The following EVPL variants were observed in gnomAD, a reference collection of about 807,000 sequenced individuals.
EVPL encodes the protein 210 kDa cornified envelope precursor protein.
Under a neutral mutation model 129.7 loss-of-function variants are expected in EVPL, and 94 were observed. The observed-to-expected ratio is 0.72, with a 90% confidence interval of 0.61 to 0.86. The LOEUF is 0.86. Ranked by LOEUF, EVPL falls within the 40% of genes least tolerant of loss-of-function variation. The pLI, the probability that EVPL is intolerant of heterozygous loss-of-function variation, is 0.00. For missense variants in EVPL, 2,625 were observed against 2,721.1 expected (o/e 0.96, Z 0.79); for synonymous variants, 1,172 against 1,191.1 (o/e 0.98, Z 0.33).
intron 1 of EVPL, among the ~76,000 whole-genome samples, chr17:76,025,223 A>G (rs2665964): frequency 0.78 from 118,822 of 152,198 alleles, 46,995 homozygotes; most frequent in East Asian, 0.97. Context: ...GAATTTATCC[A>G]TCTGAAACGT....
Position 76,018,488 on chromosome 17 carries a change from C to T in EVPL, c.1397G>A (p.Cys466Tyr). The T allele has an allele frequency of 6.2e-7, 1 of 1,612,514 alleles. No individual in the cohort carries two copies. Residue 466 changes from cysteine to tyrosine, a missense_variant, in exon 12 of 22, where the codon TGC becomes TAC. Cys to Tyr is a radical substitution (Grantham distance 194). Around this residue, in one of 4 missense-constraint regions of EVPL, gnomAD observed 1,024 missense variants for 997.5 expected, o/e 1.03. Coordinates refer to ENST00000301607, the MANE Select transcript of EVPL (RefSeq NM_001988.4). ...ETKRAPAACF[C>Y]IPAPDPDAVA... is the part of the protein sequence containing the mutation. ...AGCATCAGGGTCTGGTGCTGGGATG[C>T]AGAAGCAGGCGGCGGGAGCACGCTT... is the stretch of plus-strand genomic sequence containing the variant.
rs777889344 is a variant in EVPL, at chr17:76,008,462, C to A, written c.4743G>T (p.Leu1581=). 4 of 1,595,394 alleles carry A rather than the reference C, an allele frequency of 2.5e-6. No homozygotes were observed. Among genetic ancestry groups the A allele is most frequent in the Non-Finnish European group, 3.4e-6 (4 of 1,176,164 alleles). Residue 1581 remains leucine, a synonymous_variant, in exon 22 of 22, where the codon CTG becomes CTT. Transcript: ENST00000301607. This position sits in a 1 kb window ranked among gnomAD's most constrained non-coding sequence, Gnocchi z 7.4. The stretch of plus-strand genomic sequence containing the variant: ...GGTCGGCCTGGTCCCGGGCCCTCTG[C>A]AGCTCGGACTCCTCCCGGGACCAGG... ...GRTWSREESE[L]QRARDQADQE...
At position 76,015,370 on chromosome 17, in the gene EVPL, C is replaced by T; in HGVS notation, c.1890-5G>A. The stretch of plus-strand genomic sequence containing the variant: ...AGATCCAGGGCAGCCTTGGCTCTGC[C>T]GCAGAGGAGGCAAGGCTCAGACACT... On this transcript the variant is annotated splice_polypyrimidine_tract_variant and splice_region_variant and intron_variant, in intron 15 of 21. Transcript: ENST00000301607. 4 of 1,603,692 alleles carry T rather than the reference C, an allele frequency of 2.5e-6. No individual in the cohort carries two copies. Among genetic ancestry groups the T allele is most frequent in the Non-Finnish European group, 3.4e-6 (4 of 1,177,286 alleles).
Position 76,009,686 on chromosome 17 carries a change from C to G in EVPL, c.3519G>C (p.Leu1173=). 6.2e-7 allele frequency: 1 copy of G among 1,613,550 alleles called. No homozygotes were observed. The highest frequency in any genetic ancestry group is 2.2e-5 in the East Asian group (1 of 44,870). ...RTKNATLARE[L]SDLHSKYSVV... ...CGCTGTACTTGCTGTGCAGGTCGCT[C>G]AGCTCCCTGGCCAGCGTCGCGTTCT... The change falls in exon 22 of 22, where the codon CTG becomes CTC. Residue 1173 remains leucine, a synonymous_variant. Coordinates refer to ENST00000301607, the MANE Select transcript of EVPL (RefSeq NM_001988.4). The surrounding 1 kb of genome is among the most constrained non-coding windows in gnomAD (Gnocchi z 5.9).
At position 76,007,320 on chromosome 17, in the gene EVPL, C is replaced by A; in HGVS notation, c.5885G>T (p.Gly1962Val). ...CTGGGCCAGCTCTTCACTGATCATC[C>A]CGGAGAGGAGGGCCTGCTGGATGGG... is the stretch of plus-strand genomic sequence containing the variant. ...RIPIQQALLSGMISEELAQLL... is the reference protein window; with the variant it reads ...RIPIQQALLSVMISEELAQLL... Residue 1962 changes from glycine (G) to valine (V), a missense_variant, in exon 22 of 22, where the codon GGG (glycine) becomes GTG (valine). Gly to Val is a moderately radical substitution (Grantham distance 109). Around this residue, in one of 4 missense-constraint regions of EVPL, gnomAD observed 1,453 missense variants for 1,511.8 expected, o/e 0.96. Coordinates refer to ENST00000301607, the MANE Select transcript of EVPL (RefSeq NM_001988.4). This position sits in a 1 kb window ranked among gnomAD's most constrained non-coding sequence, Gnocchi z 8.8. The A allele has an allele frequency of 6.4e-7, 1 of 1,561,368 alleles. No homozygotes were observed. The highest frequency in any genetic ancestry group is 2.3e-5 in the East Asian group (1 of 44,234).
intron 9 of EVPL, among the ~76,000 whole-genome samples, chr17:76,021,031 G>A (rs1444050073): frequency 1.3e-5 from 2 of 152,122 alleles, no homozygotes; most frequent in African/African-American, 4.8e-5. Context: ...CTTTCCCTCT[G>A]GGACCGAGTG....
Position 76,012,043 on chromosome 17 carries a change from G to T in EVPL, c.2420C>A (p.Ala807Glu), listed in dbSNP as rs753313503. 1 of 1,612,764 alleles carries T rather than the reference G, an allele frequency of 6.2e-7. No individual in the cohort carries two copies. The highest frequency in any genetic ancestry group is 8.5e-7 in the Non-Finnish European group (1 of 1,179,740). ...CTGCAGGGCCTGGGAGAGGTGGGAT[G>T]CTGTGGCCCTGTCCCGCTCTCGGCT... Reference protein sequence around the residue: ...IQSRERDRATASHLSQALQAA... With the variant: ...IQSRERDRATESHLSQALQAA... Residue 807 changes from alanine to glutamate, a missense_variant, in exon 19 of 22, where the codon GCA (alanine) becomes GAA (glutamate). Transcript: ENST00000301607.
In EVPL at chr17:76,015,565, C is replaced by A. The variant is rs767490272; in HGVS notation, c.1774G>T (p.Ala592Ser). 6.2e-7 allele frequency: 1 copy of A among 1,613,422 alleles called. No homozygotes were observed. Residue 592 changes from alanine (A) to serine (S), a missense_variant, in exon 15 of 22, where the codon GCG becomes TCG. Around this residue, in one of 4 missense-constraint regions of EVPL, gnomAD observed 1,024 missense variants for 997.5 expected, o/e 1.03. Coordinates refer to ENST00000301607, the MANE Select transcript of EVPL (RefSeq NM_001988.4). ...EKETAQKECE[A>S]FLSTRPVGPA... is the part of the protein sequence containing the mutation. ...CCCACGGGCCGCGTGGACAGAAACG[C>A]CTCGCACTCCTTCTGGGCTGTCTCC...
chr17:76,021,606 C>CCCCGGGGGG, intron 8 of EVPL, 43 bp from the exon 9 acceptor site: 1 of 1,336,584 alleles, frequency 7.5e-7, no homozygotes, highest in Non-Finnish European at 9.9e-7. Context: ...GCCCCCCCCA[C>CCCCGGGGGG]GTCCGCCCCA....
chr17:76,022,612 C>T lies in EVPL; in HGVS notation c.481-74G>A, dbSNP rs1255580412. ...CAGAGAACCCCACACGCCTCCCACC[C>T]GGAGAAGTGGACTTGGTCATTTGGG... On this transcript the variant is annotated intron_variant, in intron 4 of 21. Transcript: ENST00000301607. The surrounding 1 kb of genome is among the most constrained non-coding windows in gnomAD (Gnocchi z 5.6). 3 of 1,512,566 alleles carry T rather than the reference C, an allele frequency of 2.0e-6. No homozygotes were observed. The highest frequency in any genetic ancestry group is 1.8e-6 in the Non-Finnish European group (2 of 1,129,518). 93.7% of individuals were successfully genotyped at this position (1,512,566 alleles called of 1,614,324 possible).
At position 76,013,711 on chromosome 17, in the gene EVPL, T is replaced by C. The variant is rs911447580; in HGVS notation, c.2373+715A>G. Among the ~76,000 whole-genome samples the C allele has an allele frequency of 6.6e-6, 1 of 152,098 alleles. No individual in the cohort carries two copies. Among genetic ancestry groups the C allele is most frequent in the Admixed American group, 6.5e-5 (1 of 15,276 alleles). On this transcript the variant is annotated intron_variant, in intron 18 of 21. Transcript: ENST00000301607. The surrounding 1 kb of genome is among the most constrained non-coding windows in gnomAD (Gnocchi z 4.3). The stretch of plus-strand genomic sequence containing the variant: ...TCCCCGGCCAGGCCACCACTCTCTC[T>C]CCGCTGGATTTCCACCCTGGCTCCT...
intron 11 of EVPL, 98 bp from the exon 12 acceptor site, chr17:76,018,698 C>G (rs772397746): frequency 7.4e-7 from 1 of 1,355,626 alleles, no homozygotes; most frequent in Non-Finnish European, 1.0e-6. Flanking sequence ...ATGGGGACAG[C>G]AGCTGGAACA....
Position 76,014,478 on chromosome 17 carries a change from A to T in EVPL, c.2321T>A (p.Val774Glu), listed in dbSNP as rs199895131. The T allele has an allele frequency of 6.2e-7, 1 of 1,611,944 alleles. No homozygotes were observed. Among genetic ancestry groups the T allele is most frequent in the South Asian group, 1.1e-5 (1 of 91,040 alleles). ...SWLEHLPRSQ[V>E]RPSDGPSQIA... ...CTGGCTGGGGCCGTCGCTGGGCCGC[A>T]CCTGGCTGCGGGGCAGGTGCTCCAG... is the stretch of plus-strand genomic sequence containing the variant. The change falls in exon 18 of 22, where the codon GTG becomes GAG. Residue 774 changes from valine (V) to glutamate (E), a missense_variant. Val to Glu is a moderately radical substitution (Grantham distance 121, BLOSUM62 -2). This residue lies in a region of EVPL where 1,024 missense variants were observed against 997.5 expected (regional missense o/e 1.03). Transcript: ENST00000301607.
chr17:76,024,447 C>G lies in EVPL; in HGVS notation c.99-327G>C, dbSNP rs1598246673. 6.6e-6 allele frequency among the ~76,000 whole-genome samples: 1 copy of G among 152,236 alleles called. No individual in the cohort carries two copies. The highest frequency in any genetic ancestry group is 1.9e-4 in the East Asian group (1 of 5,174). On this transcript the variant is annotated intron_variant, in intron 1 of 21. Coordinates refer to ENST00000301607, the MANE Select transcript of EVPL (RefSeq NM_001988.4). This position sits in a 1 kb window ranked among gnomAD's most constrained non-coding sequence, Gnocchi z 4.5. Reference sequence around the variant, plus strand: ...CCACCTAGCTACCTGCCACTTCCCTCCCCGAGCCAGTGAATCACCGGCTCA... The same window carrying G: ...CCACCTAGCTACCTGCCACTTCCCTGCCCGAGCCAGTGAATCACCGGCTCA...
At chr17:76,018,286 A>AGGTCCCCACTCG in intron 12 of EVPL, 28 bp from the exon 13 acceptor site, 1 of 1,524,272 alleles carries the variant, frequency 6.6e-7, no homozygotes, top group Non-Finnish European at 8.8e-7. Context: ...TTGAAGAAAG[A>AGGTCCCCACTCG]GGTCCCCACT....
In EVPL at chr17:76,024,060, C is replaced by T. The variant is rs1173649812; in HGVS notation, c.159G>A (p.Val53=). 1.9e-6 allele frequency: 3 copies of T among 1,613,834 alleles called. No homozygotes were observed. In the East Asian group the frequency reaches 6.7e-5, roughly 36 times the overall value. ...ISRMQANADQ[V]ERDILETQKR... is the part of the protein sequence containing the mutation. The stretch of plus-strand genomic sequence containing the variant: ...TCTGCGTCTCCAGGATGTCCCGCTC[C>T]ACCTGGTCGGCGTTGGCTTGCATGC... The change falls in exon 2 of 22, where the codon GTG becomes GTA. Residue 53 remains valine (V), a synonymous_variant. Coordinates refer to ENST00000301607, the MANE Select transcript of EVPL (RefSeq NM_001988.4). This position sits in a 1 kb window ranked among gnomAD's most constrained non-coding sequence, Gnocchi z 4.5.
In EVPL at chr17:76,007,523, C is replaced by T. The variant is rs751841109; in HGVS notation, c.5682G>A (p.Gln1894=). The change falls in exon 22 of 22, where the codon CAG becomes CAA. Residue 1894 remains glutamine (Q), a synonymous_variant. Transcript: ENST00000301607. This position sits in a 1 kb window ranked among gnomAD's most constrained non-coding sequence, Gnocchi z 8.8. ...ERGLIENTST[Q]RLLNAQKAFT... is the part of the protein sequence containing the mutation. ...AGGCCTTCTGGGCGTTAAGCAGCCT[C>T]TGTGTGGAGGTGTTCTCGATCAGGC... 4 of 1,613,962 alleles carry T rather than the reference C, an allele frequency of 2.5e-6. 1 individual carries two copies. Among genetic ancestry groups the T allele is most frequent in the Admixed American group, 3.3e-5 (2 of 60,022 alleles).
chr17:76,023,552 C>T lies in EVPL; in HGVS notation c.301G>A (p.Val101Met), dbSNP rs777382762. 9.3e-6 allele frequency: 15 copies of T among 1,613,238 alleles called. No individual in the cohort carries two copies. Among genetic ancestry groups the T allele is most frequent in the South Asian group, 8.8e-5 (8 of 91,070 alleles). Residue 101 changes from valine (V) to methionine (M), a missense_variant, in exon 3 of 22, where the codon GTG becomes ATG. This residue lies in a region of EVPL where 139 missense variants were observed against 186.8 expected (regional missense o/e 0.74). Coordinates refer to ENST00000301607, the MANE Select transcript of EVPL (RefSeq NM_001988.4). ...TGCTTGAGCCGCCGGGCCTTGTCCA[C>T]GTCCAGGAAGAGGTCCTTGAGCAGC... Reference protein sequence around the residue: ...EVLLKDLFLDVDKARRLKHPQ... With the variant: ...EVLLKDLFLDMDKARRLKHPQ...
chr17:76,010,658 G>C, intron 21 of EVPL, 115 bp from the exon 22 acceptor site: 9 of 1,169,238 alleles, frequency 7.7e-6, no homozygotes, highest in Non-Finnish European at 1.1e-5. Context: ...TGGGTCCTCA[G>C]AGGTGGAGCT....
Sources: allele counts gnomAD v4.1 joint callset (sites outside exome capture counted in the v4.1 genomes callset), GRCh38; gene constraint gnomAD v4.1.1; regional missense constraint gnomAD v4.1.1; non-coding constraint Gnocchi (gnomAD v3.1); transcripts MANE v1.5; gene names NCBI Gene and HGNC (gene_info 2026-07-23, HGNC 2026-07-21).